Variants in CPO observed in about 807,000 individuals in gnomAD.
CPO encodes the protein metallocarboxypeptidase C.
A neutral mutation model predicts 41.2 loss-of-function variants in CPO; 43 were observed. The observed-to-expected ratio is 1.04, with a 90% CI of 0.82 to 1.35. The LOEUF is 1.35. Ranked by LOEUF, CPO falls within the 40% of genes most tolerant of loss-of-function variation. CPO has a pLI of 0.00. For missense variants in CPO, 408 were observed against 451.7 expected (o/e 0.90, Z 0.88); for synonymous variants, 178 against 162.7 (o/e 1.09, Z -0.72).
At chr2:206,949,800 C>A in intron 2 of CPO, 87 bp downstream of exon 2, 3 of 783,172 alleles carry the variant, frequency 3.8e-6, no homozygotes, top group Admixed American at 4.0e-5. Context: ...AATATCCATG[C>A]ATTAGAGAGG....
intron 2 of CPO, among the ~76,000 whole-genome samples, chr2:206,954,386 G>A (rs1319557015): frequency 7.9e-6 from 1 of 126,860 alleles, no homozygotes; most frequent in Non-Finnish European, 1.8e-5. Context: ...AATGCCTCCA[G>A]TCTCTTTGCT....
At chr2:206,942,962 G>C (rs1017323788) in intron 1 of CPO, among the ~76,000 whole-genome samples, 1 of 152,106 alleles carries the variant, frequency 6.6e-6, no homozygotes, top group Non-Finnish European at 1.5e-5. Flanking sequence ...ATATGAAATG[G>C]ACCCAGTTGC....
intron 2 of CPO, among the ~76,000 whole-genome samples, chr2:206,953,080 C>A (rs915008903): frequency 9.9e-5 from 15 of 152,154 alleles, no homozygotes; most frequent in Non-Finnish European, 1.8e-4. Flanking sequence ...ATAGAAACTA[C>A]AATTCATGAT....
intron 2 of CPO, among the ~76,000 whole-genome samples, chr2:206,950,658 G>A (rs976001891): frequency 3.9e-5 from 6 of 152,138 alleles, no homozygotes; most frequent in African/African-American, 1.2e-4. Context: ...ATTCACAATA[G>A]CAGACTTGGA....
At chr2:206,950,210 T>C (rs1249676441) in intron 2 of CPO, among the ~76,000 whole-genome samples, 1 of 152,130 alleles carries the variant, frequency 6.6e-6, no homozygotes, top group Non-Finnish European at 1.5e-5. Context: ...AGGACTAATA[T>C]CCAGAATCTA....
chr2:206,956,596 C>T (rs1404699977), intron 3 of CPO, among the ~76,000 whole-genome samples: 2 of 152,204 alleles, frequency 1.3e-5, no homozygotes, highest in Non-Finnish European at 2.9e-5. Flanking sequence ...TGCATTTTTA[C>T]ACTTGATCAT....
rs1693644040 is a variant in CPO at position 206,969,378 on chromosome 2, G to T, written c.1067G>T (p.Arg356Met). Residue 356 changes from arginine (R) to methionine (M), a missense_variant, in exon 9 of 9, where the codon AGG (arginine) becomes ATG (methionine). Arg to Met is a moderately conservative substitution (Grantham distance 91). Transcript: ENST00000272852. ...CACTGGCACTCGGACAGTGCTGGAA[G>T]GGTGACATCTGCCACTATGCTGCTG... is the stretch of plus-strand genomic sequence containing the variant. ...AKHWHSDSAG[R>M]VTSATMLLGL... The T allele has an allele frequency of 6.2e-7, 1 of 1,613,964 alleles. No homozygotes were observed. Among genetic ancestry groups the T allele is most frequent in the African/African-American group, 1.3e-5 (1 of 74,930 alleles).
chr2:206,962,129 A>G (rs1693492612), intron 6 of CPO, among the ~76,000 whole-genome samples: 1 of 151,606 alleles, frequency 6.6e-6, no homozygotes, highest in African/African-American at 2.4e-5. Flanking sequence ...ATACAAGTAT[A>G]CTAAAATGCC....
rs2105828264 is a variant in CPO, at chr2:206,962,624, T to C, written c.777+10T>C. The C allele has an allele frequency of 1.2e-6, 2 of 1,608,210 alleles. No homozygotes were observed. The highest frequency in any genetic ancestry group is 1.7e-6 in the Non-Finnish European group (2 of 1,174,712). On this transcript the variant is annotated intron_variant, in intron 7 of 8. Transcript: ENST00000272852. ...TAACCACCCAGAAATGGTGAGTCCA[T>C]AGCACCAAGGCCTCCAGAAAAACCT... is the stretch of plus-strand genomic sequence containing the variant.
chr2:206,958,216 G>T, intron 3 of CPO, 85 bp from the exon 4 acceptor site: 3 of 699,484 alleles, frequency 4.3e-6, no homozygotes, highest in Non-Finnish European at 4.7e-6. Flanking sequence ...GGAACCTCTA[G>T]GGGAATTAAA....
At chr2:206,966,344 T>C (rs1434788706) in intron 7 of CPO, among the ~76,000 whole-genome samples, 2 of 151,220 alleles carry the variant, frequency 1.3e-5, no homozygotes, top group Admixed American at 6.6e-5. Context: ...TAGCATGGAG[T>C]TCCATTTAAA....
intron 1 of CPO, among the ~76,000 whole-genome samples, chr2:206,947,249 G>A (rs1051456689): frequency 6.6e-6 from 1 of 152,072 alleles, no homozygotes; most frequent in Non-Finnish European, 1.5e-5. Context: ...AGAAAATAGG[G>A]ATCCCATAAA....
intron 1 of CPO, among the ~76,000 whole-genome samples, chr2:206,946,392 T>C (rs571093442): frequency 6.6e-6 from 1 of 152,286 alleles, no homozygotes; most frequent in East Asian, 1.9e-4. Flanking sequence ...CATGATTATA[T>C]AAATAGATGT....
intron 4 of CPO, 78 bp downstream of exon 4, chr2:206,958,483 C>A: frequency 1.4e-6 from 1 of 732,700 alleles, no homozygotes; most frequent in Admixed American, 2.4e-5. Flanking sequence ...TTACAAACCA[C>A]GCTTCTTTCA....
At chr2:206,965,680 C>T (rs1693559396) in intron 7 of CPO, among the ~76,000 whole-genome samples, 1 of 152,132 alleles carries the variant, frequency 6.6e-6, no homozygotes, top group Non-Finnish European at 1.5e-5. Context: ...TTCAACCATT[C>T]TGTGGGCCTG....
intron 3 of CPO, among the ~76,000 whole-genome samples, chr2:206,955,890 A>G (rs1242487259): frequency 6.6e-6 from 1 of 152,192 alleles, no homozygotes; most frequent in Non-Finnish European, 1.5e-5. Flanking sequence ...CTGTATTTTA[A>G]GTTGTTATTT....
At position 206,969,462 on chromosome 2, in the gene CPO, C is replaced by A. The variant is rs748379214; in HGVS notation, c.*26C>A. 2 of 1,608,778 alleles carry A rather than the reference C, an allele frequency of 1.2e-6. No homozygotes were observed. Among genetic ancestry groups the A allele is most frequent in the Non-Finnish European group, 8.5e-7 (1 of 1,175,548 alleles). ...GTGCATTCTGCCCAGGCCTGCTCAA[C>A]CCCAGTGGCATGAGTGTGGCTGGAG... On this transcript the variant is annotated 3_prime_UTR_variant, in exon 9 of 9. Transcript: ENST00000272852.
At chr2:206,944,836 C>A (rs1028864568) in intron 1 of CPO, among the ~76,000 whole-genome samples, 4 of 151,532 alleles carry the variant, frequency 2.6e-5, no homozygotes, top group Non-Finnish European at 5.9e-5. Context: ...CTAAGTGAAC[C>A]AGAAAAAAAA....
Position 206,968,251 on chromosome 2 carries a change from TC to T in CPO, c.778-9del. 6.4e-7 allele frequency: 1 copy of T among 1,564,122 alleles called. No homozygotes were observed. Among genetic ancestry groups the T allele is most frequent in the Non-Finnish European group, 8.8e-7 (1 of 1,134,596 alleles). The stretch of plus-strand genomic sequence containing the variant: ...AACACCAGATATCTGTCTCTGCATT[TC>T]CCACCTACAGATTCAAGTTGGACAG... On this transcript the variant is annotated splice_polypyrimidine_tract_variant and intron_variant, in intron 7 of 8. Transcript: ENST00000272852.
Sources: gnomAD v4.1 joint callset for allele counts (sites outside exome capture counted in the v4.1 genomes callset) on GRCh38, gnomAD v4.1.1 for gene constraint, MANE v1.5 for transcripts, NCBI Gene and HGNC (gene_info 2026-07-23, HGNC 2026-07-21) for gene names.